The following CEACAM1 variants were observed in gnomAD, a reference collection of about 807,000 sequenced individuals.
CEACAM1 encodes the protein CEA cell adhesion molecule 1, also known as cell adhesion molecule CEACAM1.
CEACAM1 carries 31 observed loss-of-function variants against 49.1 expected under a neutral mutation model. The ratio of observed to expected loss-of-function variants is 0.63; its 90% CI spans 0.47 to 0.85. CEACAM1 has a LOEUF of 0.85. Ranked by LOEUF, CEACAM1 falls within the 40% of genes least tolerant of loss-of-function variation. CEACAM1 has a pLI of 0.00. For missense variants in CEACAM1, 570 were observed against 645.3 expected (o/e 0.88, Z 1.26); for synonymous variants, 244 against 247.8 (o/e 0.98, Z 0.14).
At position 42,512,283 on chromosome 19, in the gene CEACAM1, T is replaced by A. The variant is rs376177086; in HGVS notation, c.1376+67A>T. Reference sequence around the variant, plus strand: ...CCAGGCCCAGAGACAGGCAAAGAATTCTTTCCCTCTCCCAAGCATGGCAGT... The same window carrying A: ...CCAGGCCCAGAGACAGGCAAAGAATACTTTCCCTCTCCCAAGCATGGCAGT... On this transcript the variant is annotated intron_variant, in intron 6 of 8. Transcript: ENST00000161559. The A allele has an allele frequency of 8.3e-5, 132 of 1,591,068 alleles. 3 individuals are homozygous for A. The highest frequency in any genetic ancestry group is 4.4e-4 in the Admixed American group (26 of 59,162).
chr19:42,511,432 A>G (rs908274860), intron 7 of CEACAM1, 144 bp downstream of exon 7: 4 of 715,552 alleles, frequency 5.6e-6, no homozygotes, highest in East Asian at 2.5e-5. Context: ...GGGAAGACCT[A>G]TGCCACCTTA....
At chr19:42,526,944 G>A (rs1207137892) in intron 2 of CEACAM1, 97 bp downstream of exon 2, 8 of 1,541,490 alleles carry the variant, frequency 5.2e-6, no homozygotes, top group Non-Finnish European at 6.1e-6. Context: ...GGGGTATAAT[G>A]CAGAGGAGGA....
At position 42,521,917 on chromosome 19, in the gene CEACAM1, T is replaced by C; in HGVS notation, c.703+7A>G. 6.2e-7 allele frequency: 1 copy of C among 1,614,206 alleles called. No homozygotes were observed. Among genetic ancestry groups the C allele is most frequent in the Non-Finnish European group, 8.5e-7 (1 of 1,180,040 alleles). On this transcript the variant is annotated splice_region_variant and intron_variant, in intron 3 of 8. Coordinates refer to ENST00000161559, the MANE Select transcript of CEACAM1 (RefSeq NM_001712.5). ...GCCTGGGCCACAGAGGAACAGAAGA[T>C]ACTCACAGGTGACATTCAAGGTGAC...
At position 42,527,420 on chromosome 19, in the gene CEACAM1, A is replaced by G. The variant is rs1209509505; in HGVS notation, c.65-20T>C. 1 of 1,569,012 alleles carries G rather than the reference A, an allele frequency of 6.4e-7. No individual in the cohort carries two copies. The highest frequency in any genetic ancestry group is 1.2e-5 in the South Asian group (1 of 82,912). On this transcript the variant is annotated intron_variant, in intron 1 of 8. Coordinates refer to ENST00000161559, the MANE Select transcript of CEACAM1 (RefSeq NM_001712.5). Reference sequence around the variant, plus strand: ...GTGAGGCTAGGAGAGAGGAGAGAGCATCAGTCAATATTGGGACCTATGCAT... The same window carrying G: ...GTGAGGCTAGGAGAGAGGAGAGAGCGTCAGTCAATATTGGGACCTATGCAT...
intron 5 of CEACAM1, chr19:42,516,925 CAAACAAA>C: frequency 2.6e-6 from 1 of 389,640 alleles, no homozygotes; most frequent in Non-Finnish European, 5.0e-6. Flanking sequence ...AACAATAAAA[CAAACAAA>C]CAAAATCCAA....
intron 2 of CEACAM1, chr19:42,525,813 C>T (rs2041876548): frequency 6.6e-6 from 1 of 152,124 alleles, no homozygotes; most frequent in African/African-American, 2.4e-5. Flanking sequence ...TATTTATTGC[C>T]ATGTGGCTCA....
chr19:42,528,223 C>A, intron 1 of CEACAM1, 88 bp downstream of exon 1: 1 of 1,137,446 alleles, frequency 8.8e-7, no homozygotes. Context: ...GCCCTCTGTC[C>A]CCTCTTAGAG....
In CEACAM1 at chr19:42,519,180, T is replaced by A. The variant is rs146734197; in HGVS notation, c.1014A>T (p.Thr338=). Residue 338 remains threonine, a synonymous_variant, in exon 5 of 9, where the codon ACA becomes ACT. Transcript: ENST00000161559. ...TCAGGTTCACAGAGTCCTTATCTCC[T>A]GTGACTGTGGTCTTGCTGGCTTTGA... The part of the protein sequence containing the change: ...PQIKASKTTV[T]GDKDSVNLTC... The A allele has an allele frequency of 1.9e-5, 30 of 1,614,214 alleles. No homozygotes were observed. Among genetic ancestry groups the A allele is most frequent in the Non-Finnish European group, 2.4e-5 (28 of 1,180,014 alleles).
chr19:42,523,044 G>A (rs1278690211), intron 2 of CEACAM1, among the ~76,000 whole-genome samples: 1 of 152,180 alleles, frequency 6.6e-6, no homozygotes, highest in African/African-American at 2.4e-5. Context: ...CCGAGGACTG[G>A]GAGTCACAGC....
chr19:42,527,983 G>C (rs1034083348), intron 1 of CEACAM1, among the ~76,000 whole-genome samples: 7 of 152,190 alleles, frequency 4.6e-5, no homozygotes, highest in Non-Finnish European at 1.0e-4. Flanking sequence ...GAGGTTGGTG[G>C]CTCAGGGCTC....
Position 42,507,898 on chromosome 19 carries a change from G to A in CEACAM1, c.*1211C>T, listed in dbSNP as rs2147760178. On this transcript the variant is annotated 3_prime_UTR_variant, in exon 9 of 9. Transcript: ENST00000161559. ...CTGACAAAGTGAATGGGGGCAAACA[G>A]AAAATGCACAGGTGCAAACATGGAA... The A allele has an allele frequency of 6.6e-6, 1 of 152,400 alleles. No individual in the cohort carries two copies. Among genetic ancestry groups the A allele is most frequent in the South Asian group, 2.1e-4 (1 of 4,834 alleles). The allele number at this position is 152,400 out of a possible 1,614,324, so 9.4% of individuals were successfully genotyped here.
rs1456658041 is a variant in CEACAM1 at position 42,507,881 on chromosome 19, GTGAA to G, written c.*1224_*1227del. ...GCAGAGGCCAAGGTTTCCTGACAAA[GTGAA>G]TGGGGGCAAACAGAAAATGCACAGG... On this transcript the variant is annotated 3_prime_UTR_variant, in exon 9 of 9. Transcript: ENST00000161559. The G allele has an allele frequency of 6.6e-6, 1 of 152,276 alleles. No individual in the cohort carries two copies. Among genetic ancestry groups the G allele is most frequent in the Non-Finnish European group, 1.5e-5 (1 of 68,070 alleles). The allele number at this position is 152,276 out of a possible 1,614,324, so 9.4% of individuals were successfully genotyped here.
In CEACAM1 at chr19:42,509,200, T is replaced by C; in HGVS notation, c.1490A>G (p.Asn497Ser). 6.2e-7 allele frequency: 1 copy of C among 1,613,158 alleles called. No homozygotes were observed. The highest frequency in any genetic ancestry group is 8.5e-7 in the Non-Finnish European group (1 of 1,179,494). ...TTGTGTGGGTTGCTGGGCTTCAAAG[T>C]TCAGGGTAGAATAAGTAACTTCATT... ...KMNEVTYSTLNFEAQQPTQPT... is the reference protein window; with the variant it reads ...KMNEVTYSTLSFEAQQPTQPT... The change falls in exon 9 of 9, where the codon AAC becomes AGC. Residue 497 changes from asparagine to serine, a missense_variant. Physicochemically the swap from Asn to Ser is conservative, Grantham distance 46 (BLOSUM62 1). Coordinates refer to ENST00000161559, the MANE Select transcript of CEACAM1 (RefSeq NM_001712.5).
intron 3 of CEACAM1, 74 bp downstream of exon 3, chr19:42,521,850 A>C: frequency 6.2e-7 from 1 of 1,609,712 alleles, no homozygotes; most frequent in South Asian, 1.1e-5. Context: ...CCTGAGAGGG[A>C]CTGAGAGGCC....
At position 42,522,853 on chromosome 19, in the gene CEACAM1, T is replaced by C. The variant is rs1375042902; in HGVS notation, c.425-651A>G. Among the ~76,000 whole-genome samples, 4 of 152,246 alleles carry C rather than the reference T, an allele frequency of 2.6e-5. No individual in the cohort carries two copies. The Middle Eastern group carries it at 0.01, about 388-fold the overall frequency. Reference sequence around the variant, plus strand: ...CCGTCCGGGCATTTTTCAATCAGAGTTGGCATCTCCCCACCTCTCAGCCAA... The same window carrying C: ...CCGTCCGGGCATTTTTCAATCAGAGCTGGCATCTCCCCACCTCTCAGCCAA... On this transcript the variant is annotated intron_variant, in intron 2 of 8. Transcript: ENST00000161559.
chr19:42,513,339 C>T (rs1212954156), intron 5 of CEACAM1, among the ~76,000 whole-genome samples: 1 of 152,172 alleles, frequency 6.6e-6, no homozygotes, highest in Admixed American at 6.5e-5. Flanking sequence ...TGGCTGACGC[C>T]TGTAATCCCA....
At position 42,521,485 on chromosome 19, in the gene CEACAM1, G is replaced by A; in HGVS notation, c.740C>T (p.Thr247Ile). The A allele has an allele frequency of 6.2e-7, 1 of 1,614,162 alleles. No individual in the cohort carries two copies. The highest frequency in any genetic ancestry group is 1.1e-5 in the South Asian group (1 of 91,088). Residue 247 changes from threonine to isoleucine, a missense_variant, in exon 4 of 9, where the codon ACC becomes ATC. Physicochemically the swap from Thr to Ile is moderately conservative, Grantham distance 89 (BLOSUM62 -1). Transcript: ENST00000161559. ...PDTPTISPSD[T>I]YYRPGANLSL... ...GAGGTTTGCCCCTGGACGGTAATAG[G>A]TGTCTGAAGGGGAAATGGTGGGGGT... is the stretch of plus-strand genomic sequence containing the variant.
chr19:42,511,322 C>T, intron 7 of CEACAM1: 1 of 587,712 alleles, frequency 1.7e-6, no homozygotes, highest in East Asian at 2.8e-5. Context: ...GAGGAAATGG[C>T]TCCTGGAAAC....
chr19:42,520,813 T>C (rs1329554427), intron 4 of CEACAM1: 1 of 182,130 alleles, frequency 5.5e-6, no homozygotes, highest in East Asian at 1.4e-4. Context: ...GAGTCTGAGC[T>C]GCTCATCCCT....
Sources: gnomAD v4.1 joint callset for allele counts (sites outside exome capture counted in the v4.1 genomes callset) on GRCh38, gnomAD v4.1.1 for gene constraint, MANE v1.5 for transcripts, NCBI Gene and HGNC (gene_info 2026-07-23, HGNC 2026-07-21) for gene names.